The following PLXNA4 variants were observed in gnomAD, a reference collection of about 807,000 sequenced individuals.
PLXNA4 encodes the protein plexin A4.
A neutral mutation model predicts 191.8 loss-of-function variants in PLXNA4; 44 were observed. The observed-to-expected ratio is 0.23, with a 90% CI of 0.18 to 0.29. The LOEUF (loss-of-function observed/expected upper bound fraction) is 0.29. PLXNA4 is among the 10% of genes least tolerant of loss of function. The pLI, the probability that PLXNA4 is intolerant of heterozygous loss-of-function variation, is 1.00. For missense variants in PLXNA4, 1,800 were observed against 2,488.8 expected (o/e 0.72, Z 5.89); for synonymous variants, 1,082 against 1,009.5 (o/e 1.07, Z -1.36).
chr7:132,479,700 G>C lies in PLXNA4; in HGVS notation c.1371+9592C>G, dbSNP rs565539100. ...GGTCTCACTCTGTTGCCCAGGCTGGGGTGCAATGGCACGATCTCGGCTCAC... is the reference window on the plus strand; with the variant it reads ...GGTCTCACTCTGTTGCCCAGGCTGGCGTGCAATGGCACGATCTCGGCTCAC... On this transcript the variant is annotated intron_variant, in intron 3 of 31. Coordinates refer to ENST00000321063, the MANE Select transcript of PLXNA4 (RefSeq NM_020911.2). 5.3e-5 allele frequency among the ~76,000 whole-genome samples: 8 copies of C among 151,934 alleles called. No individual in the cohort carries two copies. The East Asian group carries it at 1.4e-3, about 26-fold the overall frequency.
chr7:132,594,865 T>G (rs1339549834), intron 2 of PLXNA4, among the ~76,000 whole-genome samples: 1 of 151,982 alleles, frequency 6.6e-6, no homozygotes, highest in African/African-American at 2.4e-5. Context: ...TATGGAGATT[T>G]CTGGGTCTAG....
At chr7:132,456,594 A>G (rs1266743209) in intron 3 of PLXNA4, among the ~76,000 whole-genome samples, 3 of 152,188 alleles carry the variant, frequency 2.0e-5, no homozygotes, top group Non-Finnish European at 4.4e-5. Context: ...CCATGCCCAG[A>G]TAAGTGTGTG....
chr7:132,581,123 T>C (rs148804270), upstream of PLXNA4, among the ~76,000 whole-genome samples: 228 of 152,306 alleles, frequency 1.5e-3, 3 homozygotes, highest in East Asian at 0.012. Context: ...TCTCAGTCCA[T>C]TCAAACTAAC....
intron 20 of PLXNA4, among the ~76,000 whole-genome samples, chr7:132,176,631 T>A (rs572133191): frequency 2.0e-5 from 3 of 152,214 alleles, no homozygotes; most frequent in African/African-American, 7.2e-5. Flanking sequence ...TGTGTGTGTA[T>A]GTCAGTGAGT....
chr7:132,564,853 G>A (rs371613402), intron 1 of PLXNA4, among the ~76,000 whole-genome samples: 1 of 152,040 alleles, frequency 6.6e-6, no homozygotes, highest in East Asian at 1.9e-4. Flanking sequence ...TCCCCCCGGG[G>A]ACCCAGGCCT....
chr7:132,639,875 G>C (rs983449474), intron 2 of PLXNA4, among the ~76,000 whole-genome samples: 1 of 152,124 alleles, frequency 6.6e-6, no homozygotes, highest in African/African-American at 2.4e-5. Flanking sequence ...GGGTAGAAAG[G>C]GCACCACAGA....
intron 3 of PLXNA4, among the ~76,000 whole-genome samples, chr7:132,438,500 G>A (rs1217748330): frequency 1.3e-5 from 2 of 152,062 alleles, no homozygotes; most frequent in Non-Finnish European, 2.9e-5. Context: ...AGTTAAACAG[G>A]GAATGGCTAA....
At chr7:132,134,100 A>T (rs1270847650) in intron 30 of PLXNA4, among the ~76,000 whole-genome samples, 1 of 152,170 alleles carries the variant, frequency 6.6e-6, no homozygotes, top group African/African-American at 2.4e-5. Context: ...CAGGGCAGGG[A>T]CTAGGGTGCA....
chr7:132,216,811 G>A (rs1359901033), intron 9 of PLXNA4, among the ~76,000 whole-genome samples: 1 of 152,206 alleles, frequency 6.6e-6, no homozygotes, highest in Non-Finnish European at 1.5e-5. Flanking sequence ...TTTATCCACA[G>A]ATGATGATCC....
At chr7:132,522,507 G>C (rs6944629) in intron 1 of PLXNA4, among the ~76,000 whole-genome samples, 2 of 152,192 alleles carry the variant, frequency 1.3e-5, no homozygotes, top group Non-Finnish European at 2.9e-5. Flanking sequence ...GTTGACTCAC[G>C]CCTGTAATCC....
At chr7:132,458,767 C>T (rs1796396253) in intron 3 of PLXNA4, among the ~76,000 whole-genome samples, 1 of 152,046 alleles carries the variant, frequency 6.6e-6, no homozygotes, top group Non-Finnish European at 1.5e-5. Context: ...AAGATGTACA[C>T]TTAGGACATA....
At chr7:132,141,589 C>T (rs1011632054) in intron 29 of PLXNA4, among the ~76,000 whole-genome samples, 1 of 152,114 alleles carries the variant, frequency 6.6e-6, no homozygotes, top group African/African-American at 2.4e-5. Context: ...ACTGTTGGTG[C>T]TAGGACCAGG....
intron 3 of PLXNA4, among the ~76,000 whole-genome samples, chr7:132,298,531 G>A (rs558588801): frequency 6.6e-6 from 1 of 152,352 alleles, no homozygotes; most frequent in South Asian, 2.1e-4. Flanking sequence ...AAAAGATGAG[G>A]CTCTGAGGCT....
chr7:132,329,325 C>T (rs549982771), intron 3 of PLXNA4, among the ~76,000 whole-genome samples: 1 of 152,276 alleles, frequency 6.6e-6, no homozygotes, highest in East Asian at 1.9e-4. Flanking sequence ...TTTGGGAATG[C>T]TCGCCCTCTC....
At chr7:132,571,123 G>A (rs1342648651) in intron 1 of PLXNA4, among the ~76,000 whole-genome samples, 1 of 152,030 alleles carries the variant, frequency 6.6e-6, no homozygotes, top group East Asian at 1.9e-4. Flanking sequence ...AGTAACCAAA[G>A]TGCCTCACTT....
rs1803110679 is a variant in PLXNA4, at chr7:132,614,395, A to G, written c.-87+31533T>C. Among the ~76,000 whole-genome samples, 3 of 152,240 alleles carry G rather than the reference A, an allele frequency of 2.0e-5. No individual in the cohort carries two copies. In the South Asian group the frequency reaches 6.2e-4, roughly 31 times the overall value. ...CCTCATACTGGACAGGTCTAGTGCC[A>G]TAGCGGGAGTGGGTTTAAGCAGGCC... On this transcript the variant is annotated intron_variant, in intron 2 of 4. Coordinates refer to the PLXNA4 transcript ENST00000378539.
At chr7:132,374,476 G>T (rs1244278871) in intron 3 of PLXNA4, among the ~76,000 whole-genome samples, 3 of 152,188 alleles carry the variant, frequency 2.0e-5, no homozygotes, top group Non-Finnish European at 4.4e-5. Context: ...CACCAGCAAA[G>T]GCTGGAGGGA....
intron 1 of PLXNA4, among the ~76,000 whole-genome samples, chr7:132,567,454 G>T (rs1801786535): frequency 6.6e-6 from 1 of 152,122 alleles, no homozygotes; most frequent in East Asian, 1.9e-4. Context: ...GAGGGGCTCA[G>T]CCTGTACCCA....
At position 132,358,102 on chromosome 7, in the gene PLXNA4, T is replaced by C. The variant is rs75602273; in HGVS notation, c.1372-59880A>G. 5.3e-3 allele frequency among the ~76,000 whole-genome samples: 809 copies of C among 152,376 alleles called. 4 individuals are homozygous for C. Among genetic ancestry groups the C allele is most frequent in the African/African-American group, 0.019 (773 of 41,590 alleles). On this transcript the variant is annotated intron_variant, in intron 3 of 31. Coordinates refer to ENST00000321063, the MANE Select transcript of PLXNA4 (RefSeq NM_020911.2). The stretch of plus-strand genomic sequence containing the variant: ...TCCACTGCCACCACTAACTTGCTTT[T>C]TAGAATCCAAAATGAAGTCTTCCTG...
Sources: gnomAD v4.1 joint callset for allele counts (sites outside exome capture counted in the v4.1 genomes callset) on GRCh38, gnomAD v4.1.1 for gene constraint, MANE v1.5 for transcripts, NCBI Gene and HGNC (gene_info 2026-07-23, HGNC 2026-07-21) for gene names.